The following ZNF486 variants were observed in gnomAD, a reference collection of about 807,000 sequenced individuals.
ZNF486 encodes zinc finger protein 486.
In ZNF486, 12 loss-of-function variants were observed where a neutral mutation model predicts 12.8. The observed-to-expected ratio is 0.94, with a 90% CI of 0.60 to 1.52. The LOEUF (loss-of-function observed/expected upper bound fraction) is 1.52, where lower values mean the gene tolerates loss of function less well. ZNF486 is among the 40% of genes most tolerant of loss of function. The pLI is 0.00. For synonymous variants in ZNF486, 231 were observed against 184.9 expected, an observed-to-expected ratio of 1.25 and a Z score of -2.02; for missense variants, 738 against 545.0, an observed-to-expected ratio of 1.35 and a Z score of -3.53.
At chr19:20,190,499 C>T (rs1407054838) in intron 3 of ZNF486, among the ~76,000 whole-genome samples, 4 of 152,130 alleles carry the variant, frequency 2.6e-5, no homozygotes, top group Non-Finnish European at 5.9e-5. Flanking sequence ...ATCCTTTCAC[C>T]TCTGTTTTCT....
In ZNF486 at chr19:20,178,090, AT is replaced by A. The variant is rs1156383739; in HGVS notation, c.31-6256del. The stretch of plus-strand genomic sequence containing the variant: ...AGGTGCCTGCCACCAGGCCCGGCTA[AT>A]TTTTTTTTTGTATTTTTAGTAGAGA... On this transcript the variant is annotated intron_variant, in intron 1 of 3. Transcript: ENST00000335117. 7.3e-4 allele frequency among the ~76,000 whole-genome samples: 97 copies of A among 133,060 alleles called. 1 individual carries two copies. The highest frequency in any genetic ancestry group is 4.7e-3 in the Middle Eastern group (1 of 214). The allele number at this position is 133,060 out of a possible 152,430, so 87.3% of individuals were successfully genotyped here.
intron 2 of ZNF486, among the ~76,000 whole-genome samples, chr19:20,185,551 C>A (rs1249955165): frequency 2.6e-5 from 4 of 151,250 alleles, no homozygotes; most frequent in Admixed American, 2.6e-4. Context: ...GCTGGTACTA[C>A]TACAGGCACG....
chr19:20,173,330 C>T (rs938669347), intron 1 of ZNF486, among the ~76,000 whole-genome samples: 3 of 152,154 alleles, frequency 2.0e-5, no homozygotes, highest in Non-Finnish European at 4.4e-5. Context: ...ATCCTTCCCA[C>T]ATTTCTCTTG....
At chr19:20,175,948 G>T (rs1209505378) in intron 1 of ZNF486, among the ~76,000 whole-genome samples, 1 of 150,716 alleles carries the variant, frequency 6.6e-6, no homozygotes, top group Non-Finnish European at 1.5e-5. Context: ...GGGGCGGCTG[G>T]CCGGGCAGGG....
Position 20,197,699 on chromosome 19 carries a change from C to A in ZNF486, c.989C>A (p.Ala330Asp). ...KPYTCDKCGK[A>D]FISSSILSKH... ...TACACGTGTGATAAATGTGGCAAAGCCTTTATTTCATCCTCGATCCTTAGT... is the reference window on the plus strand; with the variant it reads ...TACACGTGTGATAAATGTGGCAAAGACTTTATTTCATCCTCGATCCTTAGT... The change falls in exon 4 of 4, where the codon GCC (alanine) becomes GAC (aspartate). Residue 330 changes from alanine (A) to aspartate (D), a missense_variant. Physicochemically the swap from Ala to Asp is moderately radical, Grantham distance 126. Coordinates refer to ENST00000335117, the MANE Select transcript of ZNF486 (RefSeq NM_052852.4). The A allele has an allele frequency of 6.2e-7, 1 of 1,613,412 alleles. No individual in the cohort carries two copies. The highest frequency in any genetic ancestry group is 2.2e-5 in the East Asian group (1 of 44,832).
intron 1 of ZNF486, 147 bp from the exon 2 acceptor site, chr19:20,184,209 T>C (rs2089816735): frequency 8.1e-6 from 10 of 1,233,002 alleles, no homozygotes; most frequent in Admixed American, 7.2e-5. Context: ...CATTAGAAAA[T>C]ATTTCTGTAT....
intron 3 of ZNF486, among the ~76,000 whole-genome samples, chr19:20,190,141 C>G (rs1865428970): frequency 6.6e-6 from 1 of 152,102 alleles, no homozygotes; most frequent in Admixed American, 6.6e-5. Context: ...GCTCTCTATT[C>G]TGGTCTTTCA....
chr19:20,176,426 G>A (rs933998390), intron 1 of ZNF486: 30 of 201,732 alleles, frequency 1.5e-4, no homozygotes, highest in African/African-American at 5.7e-4. Flanking sequence ...ACGGGGTGGC[G>A]GCCGGGCAGA....
chr19:20,192,143 C>T (rs1268904509), intron 3 of ZNF486, among the ~76,000 whole-genome samples: 1 of 152,086 alleles, frequency 6.6e-6, no homozygotes, highest in Non-Finnish European at 1.5e-5. Context: ...TTGTGACCAC[C>T]TCACTCAATT....
At chr19:20,194,285 T>A (rs1183400244) in intron 3 of ZNF486, among the ~76,000 whole-genome samples, 1 of 152,224 alleles carries the variant, frequency 6.6e-6, no homozygotes, top group Non-Finnish European at 1.5e-5. Context: ...CAATATACTT[T>A]CTCAGGATTT....
intron 3 of ZNF486, among the ~76,000 whole-genome samples, chr19:20,194,411 T>G (rs1368201521): frequency 2.6e-5 from 4 of 152,226 alleles, no homozygotes; most frequent in African/African-American, 7.2e-5. Flanking sequence ...AGTTTTTTTC[T>G]GACGTGTAAG....
intron 1 of ZNF486, among the ~76,000 whole-genome samples, chr19:20,177,549 C>T (rs1425720147): frequency 2.6e-5 from 4 of 152,044 alleles, no homozygotes; most frequent in African/African-American, 4.8e-5. Context: ...GACTATGATG[C>T]ATGTCACATT....
intron 1 of ZNF486, among the ~76,000 whole-genome samples, chr19:20,179,707 T>C (rs1388446304): frequency 2.0e-5 from 3 of 152,220 alleles, no homozygotes; most frequent in Non-Finnish European, 4.4e-5. Flanking sequence ...TTCTGCATTG[T>C]AAGTTGTCAA....
At chr19:20,177,749 ATTTT>A (rs2089736668) in intron 1 of ZNF486, among the ~76,000 whole-genome samples, 1 of 151,446 alleles carries the variant, frequency 6.6e-6, no homozygotes, top group East Asian at 2.0e-4. Context: ...TAATTTTTGT[ATTTT>A]TTAGTAGAGA....
intron 1 of ZNF486, chr19:20,175,348 T>C (rs1198199687): frequency 6.8e-6 from 1 of 147,480 alleles, no homozygotes; most frequent in East Asian, 2.1e-4. Flanking sequence ...TTTTTTTTTT[T>C]TTATTGATCA....
In ZNF486 at chr19:20,198,894, G is replaced by A. The variant is rs1467300609; in HGVS notation, c.*792G>A. 6.6e-6 allele frequency: 1 copy of A among 152,410 alleles called. No homozygotes were observed. The highest frequency in any genetic ancestry group is 1.9e-4 in the East Asian group (1 of 5,192). 9.4% of individuals were successfully genotyped at this position (152,410 alleles called of 1,614,324 possible). The stretch of plus-strand genomic sequence containing the variant: ...GGAACTTTACAAACCTGAAAGATGT[G>A]ACAGTGCTTTTCCCAACACCTCCAA... On this transcript the variant is annotated 3_prime_UTR_variant, in exon 4 of 4. Coordinates refer to ENST00000335117, the MANE Select transcript of ZNF486 (RefSeq NM_052852.4).
In ZNF486 at chr19:20,197,783, C is replaced by G. The variant is rs1555718299; in HGVS notation, c.1073C>G (p.Ala358Gly). ...KPYKCEECGK[A>G]FTRSSHLTMH... Reference sequence around the variant, plus strand: ...TACAAATGTGAAGAATGTGGCAAAGCCTTCACCCGCTCCTCACACCTTACT... The same window carrying G: ...TACAAATGTGAAGAATGTGGCAAAGGCTTCACCCGCTCCTCACACCTTACT... The change falls in exon 4 of 4, where the codon GCC (alanine) becomes GGC (glycine). Residue 358 changes from alanine (A) to glycine (G), a missense_variant. By Grantham distance (60) the Ala-to-Gly change is moderately conservative. Transcript: ENST00000335117. The G allele has an allele frequency of 6.2e-7, 1 of 1,613,788 alleles. No individual in the cohort carries two copies. Among genetic ancestry groups the G allele is most frequent in the South Asian group, 1.1e-5 (1 of 91,062 alleles).
At chr19:20,194,815 TTA>T (rs2089942073) in intron 3 of ZNF486, among the ~76,000 whole-genome samples, 1 of 152,194 alleles carries the variant, frequency 6.6e-6, no homozygotes, top group African/African-American at 2.4e-5. Context: ...AATTCTATTC[TTA>T]TATGTGATTT....
rs147230880 is a variant in ZNF486 at position 20,178,298 on chromosome 19, C to T, written c.31-6058C>T. Among the ~76,000 whole-genome samples, 1,056 of 152,020 alleles carry T rather than the reference C, an allele frequency of 6.9e-3. 19 individuals carry two copies. The highest frequency in any genetic ancestry group is 0.023 in the African/African-American group (968 of 41,444). ...ACTCTGTCACCCAGGCTGGAGTGTGCTGTGGTGCCTTCTCGGCTCACTGCA... is the reference window on the plus strand; with the variant it reads ...ACTCTGTCACCCAGGCTGGAGTGTGTTGTGGTGCCTTCTCGGCTCACTGCA... On this transcript the variant is annotated intron_variant, in intron 1 of 3. Transcript: ENST00000335117.
Sources: allele counts gnomAD v4.1 joint callset (sites outside exome capture counted in the v4.1 genomes callset), GRCh38; gene constraint gnomAD v4.1.1; transcripts MANE v1.5; gene names NCBI Gene and HGNC (gene_info 2026-07-23, HGNC 2026-07-21).